The following FCHSD2 variants were observed in gnomAD, a reference collection of about 807,000 sequenced individuals.
The protein encoded by FCHSD2 is FCH and double SH3 domains 2, also known as F-BAR and double SH3 domains protein 2.
FCHSD2 carries 38 observed loss-of-function variants against 108.1 expected under a neutral mutation model. The observed-to-expected ratio is 0.35, with a 90% confidence interval of 0.27 to 0.46. The LOEUF (loss-of-function observed/expected upper bound fraction) is 0.46, where lower values mean the gene tolerates loss of function less well. Ranked by LOEUF, FCHSD2 falls within the 20% of genes least tolerant of loss-of-function variation. The pLI is 1.00. For missense variants in FCHSD2, 751 were observed against 897.8 expected, an observed-to-expected ratio of 0.84 and a Z score of 2.09; for synonymous variants, 279 against 314.7, an observed-to-expected ratio of 0.89 and a Z score of 1.20.
At chr11:72,997,847 T>C (rs993661996) in intron 5 of FCHSD2, among the ~76,000 whole-genome samples, 5 of 152,124 alleles carry the variant, frequency 3.3e-5, no homozygotes, top group African/African-American at 1.2e-4. Flanking sequence ...ACTGCAGGCA[T>C]GAACCACCAC....
intron 2 of FCHSD2, among the ~76,000 whole-genome samples, chr11:73,085,019 C>T (rs1305700467): frequency 1.3e-5 from 2 of 151,058 alleles, no homozygotes; most frequent in Non-Finnish European, 2.9e-5. Flanking sequence ...CCAAAATTCT[C>T]ATCTTAAAAA....
intron 8 of FCHSD2, among the ~76,000 whole-genome samples, chr11:72,933,085 C>T (rs1856227099): frequency 6.6e-6 from 1 of 152,116 alleles, no homozygotes; most frequent in Non-Finnish European, 1.5e-5. Flanking sequence ...CCTTGCATGC[C>T]TTCTTCTTCC....
intron 3 of FCHSD2, among the ~76,000 whole-genome samples, chr11:73,023,198 C>T (rs1284294736): frequency 6.6e-6 from 1 of 152,024 alleles, no homozygotes; most frequent in East Asian, 1.9e-4. Flanking sequence ...TAAATTGGAC[C>T]TTATCAGAAT....
intron 2 of FCHSD2, among the ~76,000 whole-genome samples, chr11:73,092,322 T>G (rs1167389934): frequency 6.6e-6 from 1 of 151,706 alleles, no homozygotes; most frequent in African/African-American, 2.4e-5. Flanking sequence ...TTTTTTTTTG[T>G]AGAGATGGGG....
chr11:73,038,861 ATC>A (rs1317649247), intron 3 of FCHSD2, among the ~76,000 whole-genome samples: 1 of 152,154 alleles, frequency 6.6e-6, no homozygotes, highest in Non-Finnish European at 1.5e-5. Flanking sequence ...GAAAAAAAAG[ATC>A]TGTCACCAAG....
At chr11:72,941,154 C>T (rs1187453682) in intron 8 of FCHSD2, 1 of 408,420 alleles carries the variant, frequency 2.4e-6, no homozygotes, top group Non-Finnish European at 4.4e-6. Context: ...TAATTTAGGA[C>T]AGTCAAAAAA....
intron 3 of FCHSD2, among the ~76,000 whole-genome samples, chr11:73,074,809 G>A (rs1170314499): frequency 6.6e-6 from 1 of 152,152 alleles, no homozygotes; most frequent in Admixed American, 6.6e-5. Flanking sequence ...CACTTTGGGA[G>A]GCTGAGGTAG....
intron 13 of FCHSD2, among the ~76,000 whole-genome samples, chr11:72,863,183 G>A (rs1361734458): frequency 6.6e-6 from 1 of 151,810 alleles, no homozygotes; most frequent in Non-Finnish European, 1.5e-5. Context: ...CTCCCACTCA[G>A]CCCAATGTGT....
At chr11:72,994,155 T>C (rs564634419) in intron 5 of FCHSD2, among the ~76,000 whole-genome samples, 177 of 152,224 alleles carry the variant, frequency 1.2e-3, no homozygotes, top group Middle Eastern at 6.8e-3. Context: ...AGACATACAA[T>C]AGTGGGAGAA....
intron 8 of FCHSD2, among the ~76,000 whole-genome samples, chr11:72,948,274 C>A (rs1267765341): frequency 6.6e-6 from 1 of 152,284 alleles, no homozygotes; most frequent in East Asian, 1.9e-4. Context: ...TCCCAAAATG[C>A]TGGGATTACA....
chr11:72,845,626 C>T (rs892324880), intron 14 of FCHSD2, among the ~76,000 whole-genome samples: 3 of 152,018 alleles, frequency 2.0e-5, no homozygotes, highest in Admixed American at 2.0e-4. Flanking sequence ...CTATCAAGAC[C>T]CTGCAGAGTT....
At chr11:73,073,133 T>C (rs2135502171) in intron 3 of FCHSD2, among the ~76,000 whole-genome samples, 1 of 152,342 alleles carries the variant, frequency 6.6e-6, no homozygotes, top group East Asian at 1.9e-4. Flanking sequence ...AATTTCAGTT[T>C]GAGTACTGCA....
intron 8 of FCHSD2, among the ~76,000 whole-genome samples, chr11:72,976,560 G>T (rs936728080): frequency 6.6e-6 from 1 of 152,162 alleles, no homozygotes; most frequent in Admixed American, 6.5e-5. Context: ...GATGACAGGT[G>T]TAAGCCACTG....
At position 72,969,329 on chromosome 11, in the gene FCHSD2, T is replaced by G. The variant is rs565527812; in HGVS notation, c.705+14759A>C. Among the ~76,000 whole-genome samples the G allele has an allele frequency of 3.3e-5, 5 of 152,386 alleles. No homozygotes were observed. In the East Asian group the frequency reaches 9.6e-4, roughly 29 times the overall value. ...TAATTTAATTTGGCTTTAAGTTATT[T>G]ATATCAGGAATAAAAATCGGATTAG... On this transcript the variant is annotated intron_variant, in intron 8 of 19. Transcript: ENST00000409418.
intron 8 of FCHSD2, among the ~76,000 whole-genome samples, chr11:72,954,938 T>C (rs1321477114): frequency 1.3e-5 from 2 of 152,070 alleles, no homozygotes; most frequent in Non-Finnish European, 2.9e-5. Flanking sequence ...GTAATAAAGA[T>C]AGGAAAAAAC....
intron 14 of FCHSD2, among the ~76,000 whole-genome samples, chr11:72,846,883 T>C (rs1366828076): frequency 1.3e-5 from 2 of 152,246 alleles, no homozygotes; most frequent in Non-Finnish European, 2.9e-5. Context: ...TTTCTTCTTA[T>C]ATAGAAAAAC....
In FCHSD2 at chr11:72,889,896, T is replaced by C. The variant is rs1451696338; in HGVS notation, c.974A>G (p.Asn325Ser). 6 of 1,613,698 alleles carry C rather than the reference T, an allele frequency of 3.7e-6. No homozygotes were observed. Among genetic ancestry groups the C allele is most frequent in the South Asian group, 1.1e-5 (1 of 91,076 alleles). ...ETGTTEEHSLNKEARKWATRV... is the reference protein window; with the variant it reads ...ETGTTEEHSLSKEARKWATRV... ...TGTGGCCCATTTTCGAGCTTCCTTA[T>C]TTAGACTGTGCTCCTCTGTGGTCCC... The change falls in exon 11 of 20, where the codon AAT becomes AGT. Residue 325 changes from asparagine (N) to serine (S), a missense_variant. Physicochemically the swap from Asn to Ser is conservative, Grantham distance 46 (BLOSUM62 1). Coordinates refer to ENST00000409418, the MANE Select transcript of FCHSD2 (RefSeq NM_014824.3).
chr11:72,877,768 G>C (rs1273391258), intron 12 of FCHSD2, among the ~76,000 whole-genome samples: 1 of 151,902 alleles, frequency 6.6e-6, no homozygotes, highest in East Asian at 1.9e-4. Context: ...ACACTTTGGA[G>C]GCTGAGGCAT....
chr11:73,005,731 G>A (rs776557843), intron 4 of FCHSD2, among the ~76,000 whole-genome samples: 1 of 151,976 alleles, frequency 6.6e-6, no homozygotes, highest in African/African-American at 2.4e-5. Context: ...AGCCTCAAAC[G>A]CCTGGGCTCA....
Sources: allele counts gnomAD v4.1 joint callset (sites outside exome capture counted in the v4.1 genomes callset), GRCh38; gene constraint gnomAD v4.1.1; transcripts MANE v1.5; gene names NCBI Gene and HGNC (gene_info 2026-07-23, HGNC 2026-07-21).